The following C10orf90 variants were observed in gnomAD, a reference collection of about 807,000 sequenced individuals.
C10orf90 encodes chromosome 10 open reading frame 90, also known as (E2-independent) E3 ubiquitin-conjugating enzyme FATS.
Under a neutral mutation model 62.5 loss-of-function variants are expected in C10orf90, and 56 were observed. The ratio of observed to expected loss-of-function variants is 0.90; its 90% confidence interval spans 0.72 to 1.12. The LOEUF (loss-of-function observed/expected upper bound fraction) is 1.12. C10orf90 is among the 50% of genes most tolerant of loss of function. C10orf90 has a pLI of 0.00. For missense variants in C10orf90, 970 were observed against 880.4 expected (o/e 1.10, Z -1.29); for synonymous variants, 386 against 340.4 (o/e 1.13, Z -1.47).
intron 4 of C10orf90, among the ~76,000 whole-genome samples, chr10:126,485,879 G>A (rs746679467): frequency 4.0e-5 from 6 of 151,886 alleles, no homozygotes; most frequent in South Asian, 2.1e-4. Context: ...CCCGGGAGGC[G>A]GAGCTTGCAG....
chr10:126,490,406 AAGTTAGTGTTTAATGGGG>A (rs1279636656), intron 4 of C10orf90, among the ~76,000 whole-genome samples: 36 of 151,176 alleles, frequency 2.4e-4, no homozygotes, highest in South Asian at 8.4e-4. Flanking sequence ...GTCTAATGGG[AAGTTAGTGTTTAATGGGG>A]AGTTAGTGTT....
chr10:126,486,076 G>C (rs111899483), intron 4 of C10orf90, among the ~76,000 whole-genome samples: 7 of 152,310 alleles, frequency 4.6e-5, no homozygotes, highest in African/African-American at 1.7e-4. Context: ...ACTGCCTTGG[G>C]GGCCACTGCT....
rs371694009 is a variant in C10orf90 at position 126,474,551 on chromosome 10, T to C, written c.1535-9565A>G. Among the ~76,000 whole-genome samples, 18 of 152,186 alleles carry C rather than the reference T, an allele frequency of 1.2e-4. No individual in the cohort carries two copies. In the South Asian group the frequency reaches 3.7e-3, roughly 32 times the overall value. On this transcript the variant is annotated intron_variant, in intron 4 of 9. Coordinates refer to ENST00000488181, the MANE Select transcript of C10orf90 (RefSeq NM_001350921.2). ...TGCTAGAACAAAAACACAAACCTTCTTAAATACCAAAACAAATAAACAGAT... is the reference window on the plus strand; with the variant it reads ...TGCTAGAACAAAAACACAAACCTTCCTAAATACCAAAACAAATAAACAGAT...
chr10:126,464,572 G>T (rs1024500577), intron 5 of C10orf90, 124 bp downstream of exon 5: 1 of 1,103,758 alleles, frequency 9.1e-7, no homozygotes, highest in Non-Finnish European at 1.3e-6. Flanking sequence ...TGCTCTCCCA[G>T]TTGGAGAAGG....
intron 2 of C10orf90, among the ~76,000 whole-genome samples, chr10:126,624,426 C>A (rs1476097291): frequency 6.6e-6 from 1 of 152,120 alleles, no homozygotes. Context: ...TACAACATGG[C>A]CCTTTTTGTG....
At chr10:126,619,687 T>G (rs1490899891) in intron 2 of C10orf90, among the ~76,000 whole-genome samples, 1 of 152,230 alleles carries the variant, frequency 6.6e-6, no homozygotes, top group East Asian at 1.9e-4. Context: ...TCACCGAGTT[T>G]GGAGCACAGT....
intron 1 of C10orf90, among the ~76,000 whole-genome samples, chr10:126,668,425 G>A (rs1025638227): frequency 1.3e-5 from 2 of 152,098 alleles, no homozygotes; most frequent in African/African-American, 4.8e-5. Context: ...TGCTAATTGG[G>A]GTCTCTCAGC....
At chr10:126,580,045 C>T (rs113914081) in intron 2 of C10orf90, among the ~76,000 whole-genome samples, 13 of 152,312 alleles carry the variant, frequency 8.5e-5, no homozygotes, top group African/African-American at 3.1e-4. Flanking sequence ...TGAGAACTCA[C>T]CTCTCCTGGG....
intron 2 of C10orf90, among the ~76,000 whole-genome samples, chr10:126,584,454 G>A (rs987054168): frequency 1.2e-4 from 18 of 152,156 alleles, no homozygotes; most frequent in African/African-American, 3.9e-4. Flanking sequence ...CTGTCTACCT[G>A]TCTGTCTATC....
chr10:126,663,594 A>C (rs1275632149), intron 1 of C10orf90, among the ~76,000 whole-genome samples: 1 of 152,120 alleles, frequency 6.6e-6, no homozygotes, highest in Non-Finnish European at 1.5e-5. Flanking sequence ...CCTTGCACGC[A>C]GTGGTCCTGG....
intron 2 of C10orf90, among the ~76,000 whole-genome samples, chr10:126,562,637 C>A (rs1864928621): frequency 6.6e-6 from 1 of 152,156 alleles, no homozygotes; most frequent in Non-Finnish European, 1.5e-5. Flanking sequence ...TGGGATAGGA[C>A]TATTTTGGAT....
intron 4 of C10orf90, among the ~76,000 whole-genome samples, chr10:126,488,802 C>A (rs1285402520): frequency 6.6e-6 from 1 of 152,010 alleles, no homozygotes; most frequent in Non-Finnish European, 1.5e-5. Flanking sequence ...TATGAGATGG[C>A]AAATTCCTTG....
chr10:126,523,322 G>A (rs939677534), intron 2 of C10orf90, among the ~76,000 whole-genome samples: 1 of 152,132 alleles, frequency 6.6e-6, no homozygotes, highest in African/African-American at 2.4e-5. Context: ...GCACGTGAAA[G>A]CACCCCGCTC....
chr10:126,429,572 C>G (rs948853894), intron 8 of C10orf90, among the ~76,000 whole-genome samples: 5 of 152,216 alleles, frequency 3.3e-5, no homozygotes, highest in Non-Finnish European at 7.3e-5. Flanking sequence ...AGACCTACCA[C>G]TTTCCTAAGG....
intron 4 of C10orf90, among the ~76,000 whole-genome samples, chr10:126,487,142 CAAAAAAAAAAAAAAAAA>C: frequency 3.4e-5 from 1 of 29,460 alleles, no homozygotes; most frequent in Non-Finnish European, 6.0e-5. Flanking sequence ...AAAACTCTGT[CAAAAAAAAAAAAAAAAA>C]AAAAAAAAAG....
At chr10:126,426,208 G>A (rs1307541680) in intron 8 of C10orf90, 118 bp from the exon 9 acceptor site, 1 of 814,992 alleles carries the variant, frequency 1.2e-6, no homozygotes, top group African/African-American at 1.7e-5. Flanking sequence ...GCTGCTTATG[G>A]GCTAGCTCAC....
rs765130070 is a variant in C10orf90, at chr10:126,504,539, T to TG, written c.951dup (p.Lys318GlnfsTer56). 4.5e-5 allele frequency: 73 copies of TG among 1,614,162 alleles called. No individual in the cohort carries two copies. The South Asian group carries it at 7.5e-4, about 17-fold the overall frequency. On this transcript the variant is annotated frameshift_variant, in exon 4 of 10. Transcript: ENST00000488181. LOFTEE classifies it high-confidence loss of function. The surrounding 1 kb of genome is among the most constrained non-coding windows in gnomAD (Gnocchi z 4.1). Reference sequence around the variant, plus strand: ...TCGTCTGCATGGGTGACCCAGTACTTGCGTCTCTCACACAACCCAGTGTGG... The same window carrying TG: ...TCGTCTGCATGGGTGACCCAGTACTTGGCGTCTCTCACACAACCCAGTGTGG...
At chr10:126,558,650 G>A (rs574194714) in intron 2 of C10orf90, among the ~76,000 whole-genome samples, 4 of 152,346 alleles carry the variant, frequency 2.6e-5, no homozygotes, top group African/African-American at 9.6e-5. Flanking sequence ...GGGGCTCCTT[G>A]CTCTGTGGCC....
intron 1 of C10orf90, among the ~76,000 whole-genome samples, chr10:126,655,322 A>AT (rs1413229082): frequency 6.6e-5 from 10 of 151,930 alleles, no homozygotes; most frequent in African/African-American, 1.9e-4. Flanking sequence ...GTCTCAAAAA[A>AT]ATATATATAT....
Sources: gnomAD v4.1 joint callset for allele counts (sites outside exome capture counted in the v4.1 genomes callset) on GRCh38, gnomAD v4.1.1 for gene constraint, Gnocchi (gnomAD v3.1) non-coding constraint, MANE v1.5 for transcripts, NCBI Gene and HGNC (gene_info 2026-07-23, HGNC 2026-07-21) for gene names.